GPC5: variants seen among roughly 807,000 people sequenced by gnomAD.
GPC5 encodes the protein glypican-5.
In GPC5, 47 loss-of-function variants were observed where a neutral mutation model predicts 53.9. The observed-to-expected ratio is 0.87, with a 90% CI of 0.69 to 1.11. GPC5 has a LOEUF of 1.11. Ranked by LOEUF, GPC5 falls within the 50% of genes most tolerant of loss-of-function variation. The probability of loss-of-function intolerance (pLI) is 0.00; values close to 1 mark genes in which losing one functional copy is unlikely to be tolerated. For missense variants in GPC5, 748 were observed against 713.1 expected, an observed-to-expected ratio of 1.05 and a Z score of -0.56; for synonymous variants, 286 against 263.3, an observed-to-expected ratio of 1.09 and a Z score of -0.84.
intron 7 of GPC5, among the ~76,000 whole-genome samples, chr13:92,833,736 C>A (rs1878128545): frequency 6.6e-6 from 1 of 152,094 alleles, no homozygotes; most frequent in South Asian, 2.1e-4. Flanking sequence ...ACAAGGAGAT[C>A]ACAGACAGCC....
chr13:91,546,171 CT>C (rs2030277210), intron 2 of GPC5, among the ~76,000 whole-genome samples: 1 of 152,058 alleles, frequency 6.6e-6, no homozygotes, highest in Non-Finnish European at 1.5e-5. Flanking sequence ...ATATTCTATT[CT>C]GCCTTTCTGG....
chr13:92,389,393 G>A (rs1360410276), intron 7 of GPC5, among the ~76,000 whole-genome samples: 3 of 152,070 alleles, frequency 2.0e-5, no homozygotes, highest in African/African-American at 7.2e-5. Flanking sequence ...TTAGCATGCT[G>A]GAGAGACTGG....
intron 6 of GPC5, among the ~76,000 whole-genome samples, chr13:92,013,376 G>A (rs1212707013): frequency 6.6e-6 from 1 of 152,122 alleles, no homozygotes; most frequent in East Asian, 1.9e-4. Flanking sequence ...CCTCTCCTGA[G>A]AAGTCTAGCT....
At chr13:91,993,994 CA>C (rs2040481309) in intron 6 of GPC5, among the ~76,000 whole-genome samples, 1 of 152,140 alleles carries the variant, frequency 6.6e-6, no homozygotes, top group African/African-American at 2.4e-5. Flanking sequence ...ACATAAATCC[CA>C]AAAGCAATTT....
At chr13:91,945,646 A>T (rs1216917109) in intron 6 of GPC5, among the ~76,000 whole-genome samples, 1 of 152,180 alleles carries the variant, frequency 6.6e-6, no homozygotes, top group Non-Finnish European at 1.5e-5. Context: ...AAGGGGTTGT[A>T]GAATGTGCCC....
intron 3 of GPC5, among the ~76,000 whole-genome samples, chr13:91,710,570 G>A (rs1317354534): frequency 3.3e-5 from 5 of 152,182 alleles, no homozygotes; most frequent in Non-Finnish European, 7.3e-5. Flanking sequence ...AGCTCTGGGA[G>A]TGTTCCCATG....
intron 6 of GPC5, among the ~76,000 whole-genome samples, chr13:92,142,739 A>C (rs2041840629): frequency 6.6e-6 from 1 of 152,166 alleles, no homozygotes; most frequent in Non-Finnish European, 1.5e-5. Flanking sequence ...ATGAGAGTCC[A>C]TCTGTGTTCT....
In GPC5 at chr13:92,658,213, GA is replaced by G. The variant is rs556780213; in HGVS notation, c.1562-208068del. On this transcript the variant is annotated intron_variant, in intron 7 of 7. Transcript: ENST00000377067. Reference sequence around the variant, plus strand: ...TGGGCTAGCTTCCACCATCATACATGAGATATGTATTTTATCTGTTGTTGAA... The same window carrying G: ...TGGGCTAGCTTCCACCATCATACATGGATATGTATTTTATCTGTTGTTGAA... Among the ~76,000 whole-genome samples, 500 of 152,148 alleles carry G rather than the reference GA, an allele frequency of 3.3e-3. 2 individuals carry two copies. The highest frequency in any genetic ancestry group is 9.5e-3 in the African/African-American group (393 of 41,516).
At chr13:92,505,979 A>G (rs1880353003) in intron 7 of GPC5, among the ~76,000 whole-genome samples, 1 of 152,132 alleles carries the variant, frequency 6.6e-6, no homozygotes, top group Admixed American at 6.6e-5. Context: ...GGGACTGTAA[A>G]GAGATGGAAG....
intron 2 of GPC5, among the ~76,000 whole-genome samples, chr13:91,632,088 G>C (rs2034171470): frequency 1.3e-5 from 2 of 152,168 alleles, no homozygotes; most frequent in Admixed American, 1.3e-4. Context: ...ATGGGTCCAG[G>C]ACACTGTGGA....
intron 2 of GPC5, among the ~76,000 whole-genome samples, chr13:91,647,443 G>A (rs956716521): frequency 7.9e-5 from 12 of 152,148 alleles, no homozygotes; most frequent in African/African-American, 1.7e-4. Context: ...GATGGCAATG[G>A]CCTTGCAGAC....
intron 2 of GPC5, among the ~76,000 whole-genome samples, chr13:91,472,181 C>T (rs936171507): frequency 5.3e-5 from 8 of 152,136 alleles, no homozygotes; most frequent in Non-Finnish European, 8.8e-5. Flanking sequence ...GTGTATATCA[C>T]TTTCCTTAGG....
chr13:92,795,621 A>C (rs896650126), intron 7 of GPC5, among the ~76,000 whole-genome samples: 1 of 152,178 alleles, frequency 6.6e-6, no homozygotes, highest in Admixed American at 6.6e-5. Context: ...AATTTTTGCA[A>C]TATACTCATC....
intron 5 of GPC5, among the ~76,000 whole-genome samples, chr13:91,876,994 C>T (rs533010965): frequency 6.6e-6 from 1 of 152,330 alleles, no homozygotes; most frequent in Admixed American, 6.5e-5. Context: ...TGAAATGTGA[C>T]TTCAGAGGGT....
At chr13:91,881,043 G>A (rs538065049) in intron 5 of GPC5, among the ~76,000 whole-genome samples, 68 of 152,152 alleles carry the variant, frequency 4.5e-4, no homozygotes, top group African/African-American at 1.3e-3. Context: ...TGCCCGCTTC[G>A]GCCTCCCAAA....
intron 7 of GPC5, among the ~76,000 whole-genome samples, chr13:92,692,627 A>G (rs2139236189): frequency 6.6e-6 from 1 of 151,774 alleles, no homozygotes. Flanking sequence ...ACATGTATAC[A>G]TGTGTAACTA....
chr13:91,836,779 T>G (rs2038727086), intron 5 of GPC5, among the ~76,000 whole-genome samples: 1 of 151,720 alleles, frequency 6.6e-6, no homozygotes, highest in Non-Finnish European at 1.5e-5. Context: ...TTAGTCTGAC[T>G]CAAAATATTT....
At chr13:92,830,442 C>T (rs1161810046) in intron 7 of GPC5, among the ~76,000 whole-genome samples, 1 of 152,132 alleles carries the variant, frequency 6.6e-6, no homozygotes, top group African/African-American at 2.4e-5. Context: ...TCATTCTGAA[C>T]TATCAGTGGT....
chr13:92,396,565 G>C (rs1487888976), intron 7 of GPC5, among the ~76,000 whole-genome samples: 1 of 151,652 alleles, frequency 6.6e-6, no homozygotes, highest in African/African-American at 2.4e-5. Context: ...ACACATGCAG[G>C]GCGTGCAGCC....
Sources: allele counts gnomAD v4.1 joint callset (sites outside exome capture counted in the v4.1 genomes callset), GRCh38; gene constraint gnomAD v4.1.1; transcripts MANE v1.5; gene names NCBI Gene and HGNC (gene_info 2026-07-23, HGNC 2026-07-21).